The following GNAQ variants were observed in gnomAD, a reference collection of about 807,000 sequenced individuals.
GNAQ encodes the protein guanine nucleotide-binding protein G(q) subunit alpha.
Under a neutral mutation model 43.9 loss-of-function variants are expected in GNAQ, and 8 were observed. The ratio of observed to expected loss-of-function variants is 0.18; its 90% CI spans 0.11 to 0.33. The LOEUF (loss-of-function observed/expected upper bound fraction) is 0.33, where lower values mean the gene tolerates loss of function less well. Ranked by LOEUF, GNAQ falls within the 10% of genes least tolerant of loss-of-function variation. GNAQ has a pLI of 1.00. For missense variants in GNAQ, 158 were observed against 450.8 expected, an observed-to-expected ratio of 0.35 and a Z score of 5.88; for synonymous variants, 155 against 170.7, an observed-to-expected ratio of 0.91 and a Z score of 0.71.
Position 77,717,068 on chromosome 9 carries a change from A to C in GNAQ, c.*4255T>G, listed in dbSNP as rs1390208904. 1 of 232,636 alleles carries C rather than the reference A, an allele frequency of 4.3e-6. No homozygotes were observed. Among genetic ancestry groups the C allele is most frequent in the Non-Finnish European group, 8.5e-6 (1 of 117,762 alleles). The allele number at this position is 232,636 out of a possible 1,614,324, so 14.4% of individuals were successfully genotyped here. ...ATACAACTAAGCCATTTCTTTTCCT[A>C]ATTTGATGGAACCAAAATGAAATCC... On this transcript the variant is annotated 3_prime_UTR_variant, in exon 7 of 7. Transcript: ENST00000286548.
chr9:77,876,695 T>C (rs1441656188), intron 2 of GNAQ, among the ~76,000 whole-genome samples: 1 of 152,196 alleles, frequency 6.6e-6, no homozygotes, highest in African/African-American at 2.4e-5. Context: ...TCTTTGAGCC[T>C]CCTAATAACC....
chr9:77,967,810 T>G (rs1211557571), intron 1 of GNAQ, among the ~76,000 whole-genome samples: 47 of 152,084 alleles, frequency 3.1e-4, no homozygotes. Context: ...TGAAACCTCA[T>G]GTCTACTAAA....
intron 2 of GNAQ, among the ~76,000 whole-genome samples, chr9:77,888,647 AT>A (rs1268581830): frequency 6.6e-6 from 1 of 152,200 alleles, no homozygotes; most frequent in Admixed American, 6.5e-5. Context: ...AGTACTCTGA[AT>A]CTTGAAAAAT....
intron 2 of GNAQ, among the ~76,000 whole-genome samples, chr9:77,899,572 T>G (rs968698021): frequency 6.1e-5 from 9 of 148,676 alleles, no homozygotes; most frequent in African/African-American, 2.0e-4. Flanking sequence ...AATCAAAAAA[T>G]GGACTACATG....
At position 78,004,245 on chromosome 9, in the gene GNAQ, G is replaced by A. The variant is rs1004849051; in HGVS notation, c.136+26855C>T. 2.0e-5 allele frequency among the ~76,000 whole-genome samples: 3 copies of A among 147,992 alleles called. No individual in the cohort carries two copies. In the Admixed American group the frequency reaches 2.0e-4, roughly 10 times the overall value. ...TTGGCTATGACTGAGCCACTGAACT[G>A]CAGCCTGGACGACAGAGTAAGACTC... is the stretch of plus-strand genomic sequence containing the variant. On this transcript the variant is annotated intron_variant, in intron 1 of 6. Coordinates refer to ENST00000286548, the MANE Select transcript of GNAQ (RefSeq NM_002072.5).
At chr9:77,837,447 G>C in intron 2 of GNAQ, among the ~76,000 whole-genome samples, 1 of 152,048 alleles carries the variant, frequency 6.6e-6, no homozygotes. Flanking sequence ...CCAGCTACTC[G>C]GGTGGCTGAA....
At chr9:77,972,685 A>G (rs1412992790) in intron 1 of GNAQ, among the ~76,000 whole-genome samples, 1 of 152,132 alleles carries the variant, frequency 6.6e-6, no homozygotes, top group African/African-American at 2.4e-5. Context: ...CAGTTACGGT[A>G]GCTCACACCT....
At chr9:77,926,542 A>T (rs1829075470) in intron 1 of GNAQ, among the ~76,000 whole-genome samples, 1 of 152,204 alleles carries the variant, frequency 6.6e-6, no homozygotes, top group Non-Finnish European at 1.5e-5. Context: ...TCTGCTTCCA[A>T]GACCACTGGT....
intron 1 of GNAQ, among the ~76,000 whole-genome samples, chr9:78,022,030 GCCAGGCGGCA>G (rs1823916972): frequency 6.6e-6 from 1 of 152,182 alleles, no homozygotes; most frequent in South Asian, 2.1e-4. Flanking sequence ...TCAGCAGCAT[GCCAGGCGGCA>G]CCAGGGGAGC....
At chr9:77,723,860 TTG>T (rs1448200361) in intron 6 of GNAQ, among the ~76,000 whole-genome samples, 1 of 152,160 alleles carries the variant, frequency 6.6e-6, no homozygotes, top group Non-Finnish European at 1.5e-5. Context: ...CTGCACAGTA[TTG>T]TGAGTGTAAT....
rs942876646 is a variant in GNAQ at position 77,811,324 on chromosome 9, TTATAAAGATATATTATA to T, written c.476+4275_476+4291del. 1.2e-4 allele frequency among the ~76,000 whole-genome samples: 12 copies of T among 100,490 alleles called. 1 individual carries two copies. Among genetic ancestry groups the T allele is most frequent in the African/African-American group, 2.8e-4 (11 of 38,600 alleles). 65.9% of individuals were successfully genotyped at this position (100,490 alleles called of 152,430 possible). A position where few individuals can be genotyped will look rare whatever the true frequency, so the allele number is the denominator to read the frequency against. On this transcript the variant is annotated intron_variant, in intron 3 of 6. Coordinates refer to ENST00000286548, the MANE Select transcript of GNAQ (RefSeq NM_002072.5). ...CAATTATAAAGATATGAAGATATCT[TTATAAAGATATATTATA>T]TATAAAGATATAAAAATATAAAGAT...
At chr9:77,905,442 C>A (rs1446149625) in intron 2 of GNAQ, among the ~76,000 whole-genome samples, 1 of 152,134 alleles carries the variant, frequency 6.6e-6, no homozygotes, top group African/African-American at 2.4e-5. Flanking sequence ...CAGGTGATTC[C>A]AAAGCTTATC....
chr9:77,911,100 G>A (rs1031111363), intron 2 of GNAQ, among the ~76,000 whole-genome samples: 10 of 152,186 alleles, frequency 6.6e-5, no homozygotes, highest in African/African-American at 1.9e-4. Context: ...AATTTTAAAC[G>A]ATTTGGATTA....
intron 1 of GNAQ, among the ~76,000 whole-genome samples, chr9:77,942,047 T>A (rs1407550994): frequency 6.6e-6 from 1 of 152,152 alleles, no homozygotes; most frequent in African/African-American, 2.4e-5. Flanking sequence ...CTTTTTCCTA[T>A]TGCTAACTTG....
chr9:77,929,240 A>G (rs1400514956), intron 1 of GNAQ, among the ~76,000 whole-genome samples: 1 of 152,008 alleles, frequency 6.6e-6, no homozygotes, highest in Non-Finnish European at 1.5e-5. Flanking sequence ...TGTATTTTGG[A>G]GAAAAGGTGT....
intron 5 of GNAQ, among the ~76,000 whole-genome samples, chr9:77,764,067 T>A (rs980001580): frequency 6.6e-6 from 1 of 152,214 alleles, no homozygotes; most frequent in Admixed American, 6.5e-5. Context: ...TCCCTTGCCA[T>A]GAGAAAAGGT....
intron 5 of GNAQ, among the ~76,000 whole-genome samples, chr9:77,775,168 A>T (rs548710270): frequency 6.6e-6 from 1 of 152,248 alleles, no homozygotes; most frequent in Admixed American, 6.5e-5. Flanking sequence ...TGAATTTGTT[A>T]ATCGATTTCC....
intron 5 of GNAQ, among the ~76,000 whole-genome samples, chr9:77,761,487 G>A (rs1189132969): frequency 2.9e-5 from 4 of 136,932 alleles, no homozygotes; most frequent in South Asian, 4.9e-4. Flanking sequence ...CGCCCAGTCC[G>A]GGAGGGAGGT....
At chr9:77,803,489 T>G (rs892594354) in intron 3 of GNAQ, among the ~76,000 whole-genome samples, 1 of 152,248 alleles carries the variant, frequency 6.6e-6, no homozygotes, top group African/African-American at 2.4e-5. Context: ...TTTGATGGTT[T>G]TCTGTGAAAA....
Sources: gnomAD v4.1 joint callset for allele counts (sites outside exome capture counted in the v4.1 genomes callset) on GRCh38, gnomAD v4.1.1 for gene constraint, MANE v1.5 for transcripts, NCBI Gene and HGNC (gene_info 2026-07-23, HGNC 2026-07-21) for gene names.